Variants in CRNN observed in about 807,000 individuals in gnomAD.
CRNN encodes cornulin.
Under a neutral mutation model 44.7 loss-of-function variants are expected in CRNN, and 39 were observed. That is an observed-to-expected ratio of 0.87 (90% CI 0.68 to 1.14). The LOEUF (loss-of-function observed/expected upper bound fraction) is 1.14, where lower values mean the gene tolerates loss of function less well. Among genes scored for constraint, CRNN ranks in the 50% most tolerant of loss-of-function variants. The pLI, the probability that CRNN is intolerant of heterozygous loss-of-function variation, is 0.00. For missense variants in CRNN, 606 were observed against 605.1 expected, an observed-to-expected ratio of 1.00 and a Z score of -0.02; for synonymous variants, 240 against 231.8, an observed-to-expected ratio of 1.04 and a Z score of -0.32.
chr1:152,410,416 C>T lies in CRNN; in HGVS notation c.666G>A (p.Gln222=). The T allele has an allele frequency of 1.2e-6, 2 of 1,614,190 alleles. No homozygotes were observed. The highest frequency in any genetic ancestry group is 8.5e-7 in the Non-Finnish European group (1 of 1,180,032). ...PQTREQDRAH[Q]TGETVTGSGT... ...CAGATCCAGTCACAGTCTCACCTGT[C>T]TGGTGGGCTCTGTCCTGTTCCCTGG... Residue 222 remains glutamine (Q), a synonymous_variant, in exon 3 of 3, where the codon CAG becomes CAA. Coordinates refer to ENST00000271835, the MANE Select transcript of CRNN (RefSeq NM_016190.3).
At position 152,410,842 on chromosome 1, in the gene CRNN, T is replaced by G; in HGVS notation, c.240A>C (p.Lys80Asn). ...EFKEFLVLVF[K>N]VAQACFKTLS... ...GTGTCTTGAAACAGGCCTGGGCAACTTTAAACACTAAGACCAGGAATTCCT... is the reference window on the plus strand; with the variant it reads ...GTGTCTTGAAACAGGCCTGGGCAACGTTAAACACTAAGACCAGGAATTCCT... The change falls in exon 3 of 3, where the codon AAA becomes AAC. Residue 80 changes from lysine to asparagine, a missense_variant. Physicochemically the swap from Lys to Asn is moderately conservative, Grantham distance 94. Coordinates refer to ENST00000271835, the MANE Select transcript of CRNN (RefSeq NM_016190.3). 6.2e-7 allele frequency: 1 copy of G among 1,614,216 alleles called. No homozygotes were observed. The highest frequency in any genetic ancestry group is 8.5e-7 in the Non-Finnish European group (1 of 1,180,042).
chr1:152,409,309 A>G lies in CRNN; in HGVS notation c.*285T>C, dbSNP rs1248248678. ...GCAATAGAGAGATGTCAGAGATAAA[A>G]ATAGTCCTGAAACCCCCCACAAGAT... On this transcript the variant is annotated 3_prime_UTR_variant, in exon 3 of 3. Transcript: ENST00000271835. The G allele has an allele frequency of 7.1e-6, 3 of 424,712 alleles. No individual in the cohort carries two copies. The highest frequency in any genetic ancestry group is 1.2e-5 in the Non-Finnish European group (3 of 241,086). The allele number at this position is 424,712 out of a possible 1,614,324, so 26.3% of individuals were successfully genotyped here.
At position 152,410,468 on chromosome 1, in the gene CRNN, T is replaced by C; in HGVS notation, c.614A>G (p.Glu205Gly). ...CTGTGGCTGTCTCTCTGGCCTCATCTCTGTTGTCTGATTCCTCTTGCCTTC... is the reference window on the plus strand; with the variant it reads ...CTGTGGCTGTCTCTCTGGCCTCATCCCTGTTGTCTGATTCCTCTTGCCTTC... ...AGEGKRNQTT[E>G]MRPERQPQTR... Residue 205 changes from glutamate to glycine, a missense_variant, in exon 3 of 3, where the codon GAG (glutamate) becomes GGG (glycine). Transcript: ENST00000271835. 1 of 1,614,162 alleles carries C rather than the reference T, an allele frequency of 6.2e-7. No individual in the cohort carries two copies. Among genetic ancestry groups the C allele is most frequent in the South Asian group, 1.1e-5 (1 of 91,074 alleles).
chr1:152,410,070 T>C lies in CRNN; in HGVS notation c.1012A>G (p.Thr338Ala), dbSNP rs775893096. The C allele has an allele frequency of 2.5e-6, 4 of 1,614,032 alleles. No individual in the cohort carries two copies. The highest frequency in any genetic ancestry group is 3.4e-6 in the Non-Finnish European group (4 of 1,179,984). Residue 338 changes from threonine to alanine, a missense_variant, in exon 3 of 3, where the codon ACC (threonine) becomes GCC (alanine). Coordinates refer to ENST00000271835, the MANE Select transcript of CRNN (RefSeq NM_016190.3). ...TEIHGQGRSQ[T>A]SQAVTGGHTQ... The stretch of plus-strand genomic sequence containing the variant: ...TGTCCTCCTGTCACAGCCTGGCTGG[T>C]CTGGCTCCTGCCTTGACCGTGGATC...
Position 152,409,866 on chromosome 1 carries a change from T to C in CRNN, c.1216A>G (p.Thr406Ala). The C allele has an allele frequency of 1.9e-6, 3 of 1,614,204 alleles. No individual in the cohort carries two copies. The highest frequency in any genetic ancestry group is 2.2e-5 in the South Asian group (2 of 91,086). ...GETVPGGQAQTGASTESGRQE... is the reference protein window; with the variant it reads ...GETVPGGQAQAGASTESGRQE... ...CTTCCTGACTCAGTGCTTGCCCCAG[T>C]CTGGGCCTGTCCTCCCGGTACTGTC... Residue 406 changes from threonine (T) to alanine (A), a missense_variant, in exon 3 of 3, where the codon ACT becomes GCT. Thr to Ala is a moderately conservative substitution (Grantham distance 58, BLOSUM62 0). Transcript: ENST00000271835.
intron 2 of CRNN, among the ~76,000 whole-genome samples, chr1:152,411,352 A>T (rs569479410): frequency 2.6e-5 from 4 of 152,200 alleles, no homozygotes; most frequent in Non-Finnish European, 5.9e-5. Flanking sequence ...ACACAGCCCC[A>T]TGGGAATTCT....
At chr1:152,412,056 C>T (rs777584397) in intron 2 of CRNN, 40 bp downstream of exon 2, 3 of 1,559,628 alleles carry the variant, frequency 1.9e-6, no homozygotes, top group Admixed American at 1.8e-5. Flanking sequence ...GTTTCACTCT[C>T]CTGCTATGTC....
At position 152,410,007 on chromosome 1, in the gene CRNN, C is replaced by T. The variant is rs182719074; in HGVS notation, c.1075G>A (p.Glu359Lys). Residue 359 changes from glutamate (E) to lysine (K), a missense_variant, in exon 3 of 3, where the codon GAG becomes AAG. Physicochemically the swap from Glu to Lys is moderately conservative, Grantham distance 56. Transcript: ENST00000271835. ...CTTACAGTTTGGCTTCTGTCCTGCT[C>T]CACAGTCTCGGTGTGTGACCCTGCC... ...IQAGSHTETV[E>K]QDRSQTVSHG... 3 of 1,614,164 alleles carry T rather than the reference C, an allele frequency of 1.9e-6. No homozygotes were observed. Among genetic ancestry groups the T allele is most frequent in the South Asian group, 1.1e-5 (1 of 91,068 alleles).
Position 152,410,487 on chromosome 1 carries a change from T to C in CRNN, c.595A>G (p.Lys199Glu). 6.2e-7 allele frequency: 1 copy of C among 1,614,202 alleles called. No individual in the cohort carries two copies. The highest frequency in any genetic ancestry group is 1.1e-5 in the South Asian group (1 of 91,074). ...TEQTQKAGEG[K>E]RNQTTEMRPE... is the part of the protein sequence containing the mutation. ...CTCATCTCTGTTGTCTGATTCCTCT[T>C]GCCTTCTCCAGCTTTCTGGGTCTGC... Residue 199 changes from lysine to glutamate, a missense_variant, in exon 3 of 3, where the codon AAG becomes GAG. By Grantham distance (56) the Lys-to-Glu change is moderately conservative. Transcript: ENST00000271835.
intron 2 of CRNN, among the ~76,000 whole-genome samples, 193 bp downstream of exon 2, chr1:152,411,903 A>T (rs1655781011): frequency 1.3e-5 from 2 of 152,190 alleles, no homozygotes; most frequent in African/African-American, 2.4e-5. Context: ...TAATCTAAAG[A>T]GCCAGGACTT....
At chr1:152,412,985 C>T (rs1655814892) in intron 1 of CRNN, among the ~76,000 whole-genome samples, 1 of 152,140 alleles carries the variant, frequency 6.6e-6, no homozygotes, top group Non-Finnish European at 1.5e-5. Flanking sequence ...TCCAGGGACA[C>T]AGCCCTCCCT....
intron 1 of CRNN, among the ~76,000 whole-genome samples, chr1:152,413,318 C>G (rs1655823549): frequency 6.6e-6 from 1 of 152,146 alleles, no homozygotes; most frequent in Non-Finnish European, 1.5e-5. Flanking sequence ...GGAAAAGAGA[C>G]TTGAAGATTC....
Position 152,410,267 on chromosome 1 carries a change from C to T in CRNN, c.815G>A (p.Gly272Asp), listed in dbSNP as rs759653723. Residue 272 changes from glycine (G) to aspartate (D), a missense_variant, in exon 3 of 3, where the codon GGT becomes GAT. Coordinates refer to ENST00000271835, the MANE Select transcript of CRNN (RefSeq NM_016190.3). Reference sequence around the variant, plus strand: ...CTGGCTGGTCTGGCTCCTGCCTTGACCGTGGGTCTCAGTCCCTCTGTTCTG... The same window carrying T: ...CTGGCTGGTCTGGCTCCTGCCTTGATCGTGGGTCTCAGTCCCTCTGTTCTG... Reference protein sequence around the residue: ...NDQNRGTETHGQGRSQTSQAV... With the variant: ...NDQNRGTETHDQGRSQTSQAV... 15 of 1,613,724 alleles carry T rather than the reference C, an allele frequency of 9.3e-6. No homozygotes were observed. Among genetic ancestry groups the T allele is most frequent in the African/African-American group, 8.0e-5 (6 of 74,806 alleles).
intron 2 of CRNN, among the ~76,000 whole-genome samples, chr1:152,411,475 T>C (rs925577456): frequency 3.9e-5 from 6 of 152,214 alleles, no homozygotes; most frequent in African/African-American, 1.4e-4. Flanking sequence ...TGTGCCCATA[T>C]GTCCTTGTCC....
Position 152,410,718 on chromosome 1 carries a change from C to T in CRNN, c.364G>A (p.Glu122Lys). The change falls in exon 3 of 3, where the codon GAA (glutamate) becomes AAA (lysine). Residue 122 changes from glutamate (E) to lysine (K), a missense_variant. Coordinates refer to ENST00000271835, the MANE Select transcript of CRNN (RefSeq NM_016190.3). The part of the protein sequence containing the change: ...ELGEGQRSGT[E>K]VGRAGKGQHY... ...TGCCCTTTCCCCGCCCTTCCCACTTCAGTGCCACTTCTCTGTCCTTCGCCC... is the reference window on the plus strand; with the variant it reads ...TGCCCTTTCCCCGCCCTTCCCACTTTAGTGCCACTTCTCTGTCCTTCGCCC... The T allele has an allele frequency of 1.9e-6, 3 of 1,614,096 alleles. No homozygotes were observed. The highest frequency in any genetic ancestry group is 2.5e-6 in the Non-Finnish European group (3 of 1,179,966).
rs1254178756 is a variant in CRNN, at chr1:152,409,750, A to T, written c.1332T>A (p.Asp444Glu). The part of the protein sequence containing the change: ...QPTVVGEEWV[D>E]DHSRETVILR... Reference sequence around the variant, plus strand: ...GGATCACTGTCTCCCTTGAGTGGTCATCAACCCATTCCTCACCAACCACTG... The same window carrying T: ...GGATCACTGTCTCCCTTGAGTGGTCTTCAACCCATTCCTCACCAACCACTG... Residue 444 changes from aspartate (D) to glutamate (E), a missense_variant, in exon 3 of 3, where the codon GAT (aspartate) becomes GAA (glutamate). Coordinates refer to ENST00000271835, the MANE Select transcript of CRNN (RefSeq NM_016190.3). 2.5e-6 allele frequency: 4 copies of T among 1,614,114 alleles called. No individual in the cohort carries two copies. Among genetic ancestry groups the T allele is most frequent in the Non-Finnish European group, 3.4e-6 (4 of 1,180,046 alleles).
chr1:152,410,635 C>G lies in CRNN; in HGVS notation c.447G>C (p.Arg149Ser). The change falls in exon 3 of 3, where the codon AGG becomes AGC. Residue 149 changes from arginine to serine, a missense_variant. Coordinates refer to ENST00000271835, the MANE Select transcript of CRNN (RefSeq NM_016190.3). ...CCTGACCCTGGGTCTGAACCCCAGG[C>G]CTGTTCTGCCCTCTGGAACCCTGCT... ...QSQQGSRGQN[R>S]PGVQTQGQAT... 1 of 1,614,104 alleles carries G rather than the reference C, an allele frequency of 6.2e-7. No individual in the cohort carries two copies. The highest frequency in any genetic ancestry group is 8.5e-7 in the Non-Finnish European group (1 of 1,179,992).
chr1:152,412,257 T>A lies in CRNN; in HGVS notation c.-13-11A>T, dbSNP rs935129952. The A allele has an allele frequency of 6.3e-7, 1 of 1,595,292 alleles. No individual in the cohort carries two copies. The highest frequency in any genetic ancestry group is 8.6e-7 in the Non-Finnish European group (1 of 1,164,878). ...ATCTTTGAAGTCAACCTGGAAAAGATGAAAAGTTCCCTTGGAGGCTCCATA... is the reference window on the plus strand; with the variant it reads ...ATCTTTGAAGTCAACCTGGAAAAGAAGAAAAGTTCCCTTGGAGGCTCCATA... On this transcript the variant is annotated splice_polypyrimidine_tract_variant and intron_variant, in intron 1 of 2. Coordinates refer to ENST00000271835, the MANE Select transcript of CRNN (RefSeq NM_016190.3).
chr1:152,413,975 C>T (rs374420516), intron 1 of CRNN, among the ~76,000 whole-genome samples: 1 of 152,212 alleles, frequency 6.6e-6, no homozygotes, highest in Non-Finnish European at 1.5e-5. Flanking sequence ...ATGGGTGGCC[C>T]CATAGCCGCT....
Sources: gnomAD v4.1 joint callset for allele counts (sites outside exome capture counted in the v4.1 genomes callset) on GRCh38, gnomAD v4.1.1 for gene constraint, MANE v1.5 for transcripts, NCBI Gene and HGNC (gene_info 2026-07-23, HGNC 2026-07-21) for gene names.